The following SERPINB11 variants were observed in gnomAD, a reference collection of about 807,000 sequenced individuals.
The protein encoded by SERPINB11 is serpin family B member 11.
Under a neutral mutation model 36.7 loss-of-function variants are expected in SERPINB11, and 32 were observed. That is an observed-to-expected ratio of 0.87 (90% CI 0.66 to 1.17). SERPINB11 has a LOEUF of 1.17. Among genes scored for constraint, SERPINB11 ranks in the 50% most tolerant of loss-of-function variants. The pLI, the probability that SERPINB11 is intolerant of heterozygous loss-of-function variation, is 0.00. For synonymous variants in SERPINB11, 174 were observed against 168.1 expected (o/e 1.04, Z -0.27); for missense variants, 528 against 458.4 (o/e 1.15, Z -1.39).
intron 1 of SERPINB11, among the ~76,000 whole-genome samples, chr18:63,704,884 A>C (rs1417362467): frequency 6.6e-6 from 1 of 152,164 alleles, no homozygotes; most frequent in African/African-American, 2.4e-5. Flanking sequence ...TCATCATGGC[A>C]CTGTTTGTGG....
intron 4 of SERPINB11, among the ~76,000 whole-genome samples, chr18:63,713,488 G>T (rs1205476221): frequency 6.6e-6 from 1 of 152,162 alleles, no homozygotes; most frequent in Non-Finnish European, 1.5e-5. Context: ...TTTGACCAGG[G>T]TTATTTAAAT....
rs61745477 is a variant in SERPINB11 at position 63,710,296 on chromosome 18, C to G, written c.103C>G (p.Leu35Val). The change falls in exon 2 of 8, where the codon CTG (leucine) becomes GTG (valine). Residue 35 changes from leucine to valine, a missense_variant. Coordinates refer to ENST00000544088, the MANE Select transcript of SERPINB11 (RefSeq NM_001370475.1). ...TAACATCTTCTTTTCTTCGCTGAGT[C>G]TGCTTTATGCTCTAAGCATGGTCCT... ...GDNIFFSSLS[L>V]LYALSMVLLG... 5.5e-4 allele frequency: 889 copies of G among 1,613,802 alleles called. 7 individuals are homozygous for G. In the African/African-American group the frequency reaches 0.011, roughly 20 times the overall value.
At chr18:63,711,824 A>G (rs1161594820) in intron 3 of SERPINB11, among the ~76,000 whole-genome samples, 1 of 152,204 alleles carries the variant, frequency 6.6e-6, no homozygotes, top group Non-Finnish European at 1.5e-5. Flanking sequence ...AGTTTTTTCC[A>G]GTAGAAGGAT....
At chr18:63,708,722 T>C (rs184535042) in intron 1 of SERPINB11, among the ~76,000 whole-genome samples, 1 of 152,310 alleles carries the variant, frequency 6.6e-6, no homozygotes, top group East Asian at 1.9e-4. Flanking sequence ...GGTTTGGAAT[T>C]CAAGGTCAGC....
In SERPINB11 at chr18:63,723,150, C is replaced by CA; in HGVS notation, c.932dup (p.Asn311LysfsTer6). On this transcript the variant is annotated frameshift_variant, in exon 8 of 8. Transcript: ENST00000544088. LOFTEE classifies it high-confidence loss of function. ...AATCTCTAGGGGTGACAGATCTCTTCAACCAGGTCAAAGCTGATCTTTCTG... is the reference window on the plus strand; with the variant it reads ...AATCTCTAGGGGTGACAGATCTCTTCAAACCAGGTCAAAGCTGATCTTTCTG... The CA allele has an allele frequency of 1.2e-6, 2 of 1,611,582 alleles. No individual in the cohort carries two copies. The highest frequency in any genetic ancestry group is 8.5e-7 in the Non-Finnish European group (1 of 1,178,666).
At chr18:63,709,377 C>T (rs997825167) in intron 1 of SERPINB11, among the ~76,000 whole-genome samples, 18 of 151,902 alleles carry the variant, frequency 1.2e-4, no homozygotes, top group African/African-American at 3.6e-4. Context: ...TTTGGGAGGC[C>T]GAGGTGGGTG....
chr18:63,721,352 C>A (rs989965343), intron 7 of SERPINB11, among the ~76,000 whole-genome samples: 1 of 128,040 alleles, frequency 7.8e-6, no homozygotes, highest in South Asian at 2.5e-4. Context: ...CCATTTTACT[C>A]TGGGGGCAGT....
intron 1 of SERPINB11, among the ~76,000 whole-genome samples, chr18:63,707,180 G>A (rs1053876395): frequency 6.6e-6 from 1 of 152,196 alleles, no homozygotes; most frequent in African/African-American, 2.4e-5. Context: ...CATGAAATCT[G>A]CATTAAAGCA....
intron 6 of SERPINB11, 152 bp downstream of exon 6, chr18:63,720,307 C>A: frequency 1.4e-6 from 1 of 716,026 alleles, no homozygotes; most frequent in Non-Finnish European, 2.3e-6. Context: ...TTCATTTTTC[C>A]TTTATTAAGT....
chr18:63,717,529 A>T (rs1399711294), intron 5 of SERPINB11, among the ~76,000 whole-genome samples: 1 of 151,996 alleles, frequency 6.6e-6, no homozygotes, highest in Non-Finnish European at 1.5e-5. Context: ...CCTTGCCAAC[A>T]CTTGGTAGTG....
intron 5 of SERPINB11, among the ~76,000 whole-genome samples, chr18:63,717,525 C>T (rs953156573): frequency 1.3e-5 from 2 of 152,136 alleles, no homozygotes; most frequent in East Asian, 3.9e-4. Flanking sequence ...TCCTCCTTGC[C>T]AACACTTGGT....
At position 63,720,074 on chromosome 18, in the gene SERPINB11, G is replaced by C. The variant is rs1914765331; in HGVS notation, c.537G>C (p.Val179=). 3 of 1,610,524 alleles carry C rather than the reference G, an allele frequency of 1.9e-6. No individual in the cohort carries two copies. Among genetic ancestry groups the C allele is most frequent in the Non-Finnish European group, 8.5e-7 (1 of 1,177,208 alleles). The change falls in exon 6 of 8, where the codon GTG becomes GTC. Residue 179 remains valine, a synonymous_variant. Coordinates refer to ENST00000544088, the MANE Select transcript of SERPINB11 (RefSeq NM_001370475.1). ...ACCCTTCATCTGTAATGGTCCTGGT[G>C]AATGCCATATATTTCAAAGGACAAT... ...TIDPSSVMVL[V]NAIYFKGQWQ...
chr18:63,718,237 T>C (rs139668760), intron 5 of SERPINB11, among the ~76,000 whole-genome samples: 5 of 152,114 alleles, frequency 3.3e-5, no homozygotes, highest in African/African-American at 9.6e-5. Context: ...ATCCCTCCAA[T>C]GTTGATCTCT....
intron 4 of SERPINB11, among the ~76,000 whole-genome samples, chr18:63,714,209 A>C (rs999705230): frequency 6.6e-6 from 1 of 152,164 alleles, no homozygotes; most frequent in Non-Finnish European, 1.5e-5. Flanking sequence ...CCGCAAAACC[A>C]GCAATTTTTT....
At chr18:63,709,090 T>A (rs541025125) in intron 1 of SERPINB11, among the ~76,000 whole-genome samples, 24 of 152,266 alleles carry the variant, frequency 1.6e-4, no homozygotes, top group Non-Finnish European at 3.4e-4. Context: ...TGGAACTGAA[T>A]AGAATGAACT....
intron 5 of SERPINB11, 23 bp downstream of exon 5, chr18:63,716,175 C>T (rs1295079229): frequency 1.4e-6 from 2 of 1,445,280 alleles, no homozygotes; most frequent in Non-Finnish European, 1.9e-6. Flanking sequence ...CAATATGTGT[C>T]TCTAAACTCT....
chr18:63,703,273 T>C (rs1914286554), intron 1 of SERPINB11, among the ~76,000 whole-genome samples: 1 of 152,234 alleles, frequency 6.6e-6, no homozygotes, highest in African/African-American at 2.4e-5. Flanking sequence ...ACTCCGTTGA[T>C]ATTTTCTACT....
intron 6 of SERPINB11, 33 bp from the exon 7 acceptor site, chr18:63,720,798 G>C (rs140509391): frequency 3.4e-6 from 5 of 1,490,722 alleles, no homozygotes; most frequent in Non-Finnish European, 4.6e-6. Context: ...ACTCACATAT[G>C]TAAGTATACT....
rs1172748049 is a variant in SERPINB11 at position 63,716,153 on chromosome 18, GTAAGGA to G, written c.475+6_475+11del. ...GCTTGGGTTGAAAATAAAACTAATG[GTAAGGA>G]TAAGTCAATATGTGTCTCTAAACTC... On this transcript the variant is annotated splice_donor_variant and splice_donor_5th_base_variant and intron_variant, in intron 5 of 7. Transcript: ENST00000544088. LOFTEE classifies it high-confidence loss of function. 6.5e-7 allele frequency: 1 copy of G among 1,549,688 alleles called. No individual in the cohort carries two copies. The highest frequency in any genetic ancestry group is 2.3e-5 in the East Asian group (1 of 44,276).
Sources: allele counts gnomAD v4.1 joint callset (sites outside exome capture counted in the v4.1 genomes callset), GRCh38; gene constraint gnomAD v4.1.1; transcripts MANE v1.5; gene names NCBI Gene and HGNC (gene_info 2026-07-23, HGNC 2026-07-21).